LRRC37A2: variants seen among roughly 807,000 people sequenced by gnomAD.
The protein encoded by LRRC37A2 is leucine-rich repeat-containing protein 37A2.
A neutral mutation model predicts 68.8 loss-of-function variants in LRRC37A2; 9 were observed. The ratio of observed to expected loss-of-function variants is 0.13; its 90% CI spans 0.08 to 0.23. The LOEUF is 0.23. LRRC37A2 is among the 10% of genes least tolerant of loss of function. The pLI is 1.00. For synonymous variants in LRRC37A2, 63 were observed against 367.6 expected (o/e 0.17, Z 9.48); for missense variants, 168 against 950.4 (o/e 0.18, Z 10.82).
the LRRC37A2 span, among the ~76,000 whole-genome samples, chr17:46,880,343 G>A: frequency 3.3e-5 from 5 of 152,138 alleles, no homozygotes; most frequent in Non-Finnish European, 5.9e-5. Context: ...TTCTGTCTCA[G>A]GACACTTTAG....
the LRRC37A2 span, among the ~76,000 whole-genome samples, chr17:47,038,517 A>G: frequency 6.6e-6 from 1 of 151,228 alleles, no homozygotes; most frequent in Non-Finnish European, 1.5e-5. Flanking sequence ...TCTTAATTTT[A>G]TAACGTTGTA....
At chr17:46,996,716 G>A in the LRRC37A2 span, among the ~76,000 whole-genome samples, 1 of 152,334 alleles carries the variant, frequency 6.6e-6, no homozygotes, top group South Asian at 2.1e-4. Flanking sequence ...TGTGACCATA[G>A]GTCACTGCAG....
At chr17:46,588,857 A>C in the LRRC37A2 span, among the ~76,000 whole-genome samples, 1 of 127,560 alleles carries the variant, frequency 7.8e-6, no homozygotes, top group African/African-American at 3.8e-5. Flanking sequence ...ACCAGCCTGG[A>C]CAACATGGCA....
At chr17:46,610,041 C>CTCTCTGTCTT in the LRRC37A2 span, among the ~76,000 whole-genome samples, 6 of 118,656 alleles carry the variant, frequency 5.1e-5, 1 homozygote, top group East Asian at 1.2e-3. Flanking sequence ...CTCTCTCTCT[C>CTCTCTGTCTT]TCTTTCTTTC....
chr17:46,924,747 G>A, the LRRC37A2 span, among the ~76,000 whole-genome samples: 1 of 152,140 alleles, frequency 6.6e-6, no homozygotes, highest in African/African-American at 2.4e-5. Context: ...AACGTTATAG[G>A]AAGGGACTTA....
At chr17:46,795,512 T>C in the LRRC37A2 span, among the ~76,000 whole-genome samples, 2 of 152,062 alleles carry the variant, frequency 1.3e-5, no homozygotes, top group Non-Finnish European at 2.9e-5. Context: ...TGTCTAACCC[T>C]CTCAGATCCA....
At chr17:46,551,460 C>T (rs574492558) in intron 11 of LRRC37A2, among the ~76,000 whole-genome samples, 1 of 147,734 alleles carries the variant, frequency 6.8e-6, no homozygotes, top group Non-Finnish European at 1.5e-5. Context: ...CACCAAACCC[C>T]AGTCACACCA....
the LRRC37A2 span, chr17:46,935,080 C>T: frequency 5.3e-5 from 85 of 1,612,216 alleles, no homozygotes; most frequent in Non-Finnish European, 1.2e-5. Context: ...TAACTCCTCC[C>T]TCCAGAAAGT....
the LRRC37A2 span, among the ~76,000 whole-genome samples, chr17:46,988,186 A>G: frequency 0.69 from 105,164 of 152,122 alleles, 37,029 homozygotes; most frequent in Middle Eastern, 0.78. Context: ...ACAAACAAAC[A>G]AACAAACAAA....
At chr17:46,812,218 C>T in the LRRC37A2 span, among the ~76,000 whole-genome samples, 4 of 152,220 alleles carry the variant, frequency 2.6e-5, no homozygotes, top group South Asian at 8.3e-4. Flanking sequence ...TCTCTGGCAG[C>T]GGGATAAAGA....
At chr17:46,816,323 A>C in the LRRC37A2 span, among the ~76,000 whole-genome samples, 1 of 152,070 alleles carries the variant, frequency 6.6e-6, no homozygotes, top group Non-Finnish European at 1.5e-5. Flanking sequence ...GTGCAGACAC[A>C]CACAGCACAA....
At chr17:46,861,574 C>T in the LRRC37A2 span, among the ~76,000 whole-genome samples, 3 of 152,178 alleles carry the variant, frequency 2.0e-5, no homozygotes, top group Non-Finnish European at 4.4e-5. Context: ...AGAGACTTAT[C>T]CCCATCGGAC....
At chr17:46,935,748 C>A in the LRRC37A2 span, 2 of 987,638 alleles carry the variant, frequency 2.0e-6, no homozygotes, top group Non-Finnish European at 2.4e-6. Flanking sequence ...TCCTAGAAGC[C>A]CTGACCAGTT....
At chr17:46,755,780 T>C in the LRRC37A2 span, 1 of 1,605,946 alleles carries the variant, frequency 6.2e-7, no homozygotes, top group Non-Finnish European at 8.5e-7. Context: ...TGTTTTTTTG[T>C]GTTTTGGTAT....
At chr17:47,017,758 C>T in the LRRC37A2 span, 2 of 1,610,700 alleles carry the variant, frequency 1.2e-6, no homozygotes, top group Non-Finnish European at 8.5e-7. Context: ...AGTACAGATA[C>T]ACCGTATCCC....
chr17:46,657,334 C>G, the LRRC37A2 span, among the ~76,000 whole-genome samples: 6 of 150,404 alleles, frequency 4.0e-5, no homozygotes, highest in Non-Finnish European at 5.9e-5. Context: ...AGCAGGTACT[C>G]TGGAAGAGAA....
the LRRC37A2 span, among the ~76,000 whole-genome samples, chr17:46,902,198 C>G: frequency 6.6e-6 from 1 of 152,164 alleles, no homozygotes. Context: ...ATGCTGCCCT[C>G]CTGAAGCATC....
At chr17:47,029,061 C>T in the LRRC37A2 span, among the ~76,000 whole-genome samples, 1 of 152,038 alleles carries the variant, frequency 6.6e-6, no homozygotes, top group African/African-American at 2.4e-5. Flanking sequence ...CGCCTGTGAT[C>T]CTAGCTATCA....
At chr17:46,548,658 C>T in exon 10 of LRRC37A2, 1 of 1,606,108 alleles carries the variant, frequency 6.2e-7, no homozygotes. Context: ...GCCCAAGGAG[C>T]ATCCAGAAAA....
Sources: gnomAD v4.1 joint callset for allele counts (sites outside exome capture counted in the v4.1 genomes callset) on GRCh38, gnomAD v4.1.1 for gene constraint, MANE v1.5 for transcripts, NCBI Gene and HGNC (gene_info 2026-07-23, HGNC 2026-07-21) for gene names.